Variants in ZC3H14 observed in about 807,000 individuals in gnomAD.
ZC3H14 encodes the protein zinc finger CCCH-type containing 14.
ZC3H14 carries 31 observed loss-of-function variants against 92.4 expected under a neutral mutation model. The ratio of observed to expected loss-of-function variants is 0.34; its 90% confidence interval spans 0.25 to 0.45. ZC3H14 has a LOEUF of 0.45. Among genes scored for constraint, ZC3H14 ranks in the 20% least tolerant of loss-of-function variants. The pLI is 1.00. For synonymous variants in ZC3H14, 321 were observed against 300.9 expected (o/e 1.07, Z -0.69); for missense variants, 781 against 897.3 (o/e 0.87, Z 1.66).
At chr14:88,583,472 GTCT>G (rs1383574560) in intron 9 of ZC3H14, among the ~76,000 whole-genome samples, 8 of 152,104 alleles carry the variant, frequency 5.3e-5, no homozygotes, top group East Asian at 1.9e-4. Context: ...ACCTCAGGCT[GTCT>G]TCTTCTCAAA....
At position 88,617,101 on chromosome 14, in the gene ZC3H14, T is replaced by G. The variant is rs770358282; in HGVS notation, c.*5350T>G. The G allele has an allele frequency of 9.9e-6, 4 of 405,032 alleles. No homozygotes were observed. Among genetic ancestry groups the G allele is most frequent in the Non-Finnish European group, 1.8e-5 (4 of 226,478 alleles). The allele number at this position is 405,032 out of a possible 1,614,324, so 25.1% of individuals were successfully genotyped here. A position where few individuals can be genotyped will look rare whatever the true frequency, so the allele number is the denominator to read the frequency against. On this transcript the variant is annotated 3_prime_UTR_variant, in exon 17 of 17. Coordinates refer to ENST00000251038, the MANE Select transcript of ZC3H14 (RefSeq NM_024824.5). Reference sequence around the variant, plus strand: ...AATTTGAAGGGTTTCTAGATTAATCTTTTTAAGATTAAAGTAGTACTTTAT... The same window carrying G: ...AATTTGAAGGGTTTCTAGATTAATCGTTTTAAGATTAAAGTAGTACTTTAT...
chr14:88,610,826 C>A lies in ZC3H14; in HGVS notation c.2098-8C>A. 6.2e-7 allele frequency: 1 copy of A among 1,611,554 alleles called. No homozygotes were observed. The highest frequency in any genetic ancestry group is 8.5e-7 in the Non-Finnish European group (1 of 1,177,708). On this transcript the variant is annotated splice_region_variant and splice_polypyrimidine_tract_variant and intron_variant, in intron 15 of 16. Coordinates refer to ENST00000251038, the MANE Select transcript of ZC3H14 (RefSeq NM_024824.5). ...GGATATTGTTGAAGCTCTGTTATCT[C>A]TATTCAGCATTGTAGGTTTAACACT...
rs537686210 is a variant in ZC3H14, at chr14:88,584,567, C to T, written c.1279+6427C>T. Among the ~76,000 whole-genome samples the T allele has an allele frequency of 7.2e-5, 11 of 152,318 alleles. No homozygotes were observed. In the South Asian group the frequency reaches 1.9e-3, roughly 26 times the overall value. The stretch of plus-strand genomic sequence containing the variant: ...TACATAAGATTTACTATAGTACATA[C>T]TGTACTACTGTAATAATTTTGTAGT... On this transcript the variant is annotated intron_variant, in intron 9 of 16. Transcript: ENST00000251038.
chr14:88,588,621 T>G (rs2082733313), intron 9 of ZC3H14, among the ~76,000 whole-genome samples: 1 of 152,194 alleles, frequency 6.6e-6, no homozygotes, highest in African/African-American at 2.4e-5. Flanking sequence ...TAGATGCTAG[T>G]TAGGTACATT....
At chr14:88,566,237 G>C (rs1240002757) in intron 2 of ZC3H14, among the ~76,000 whole-genome samples, 1 of 151,522 alleles carries the variant, frequency 6.6e-6, no homozygotes, top group Admixed American at 6.6e-5. Flanking sequence ...TTGGATTTGT[G>C]ATTAACATGT....
chr14:88,611,371 A>C (rs1318462489), intron 16 of ZC3H14, among the ~76,000 whole-genome samples: 1 of 152,180 alleles, frequency 6.6e-6, no homozygotes, highest in Non-Finnish European at 1.5e-5. Flanking sequence ...CCAGGATTAC[A>C]GGCATGAGCC....
intron 9 of ZC3H14, among the ~76,000 whole-genome samples, chr14:88,584,869 G>T (rs777314476): frequency 1.3e-5 from 2 of 151,942 alleles, no homozygotes; most frequent in African/African-American, 2.4e-5. Flanking sequence ...TGCTCAGTAT[G>T]TACCAAAGAT....
intron 9 of ZC3H14, chr14:88,594,806 C>A (rs1265098861): frequency 6.2e-7 from 1 of 1,614,094 alleles, no homozygotes; most frequent in East Asian, 2.2e-5. Context: ...GGTTCCATAA[C>A]AAGCTCCTCT....
chr14:88,594,905 T>C (rs1185543762), intron 9 of ZC3H14: 1 of 1,614,040 alleles, frequency 6.2e-7, no homozygotes, highest in South Asian at 1.1e-5. Context: ...AAAGCAGCTA[T>C]TTTGACAGTG....
intron 1 of ZC3H14, 34 bp downstream of exon 1, chr14:88,563,203 G>A (rs1356081847): frequency 2.5e-6 from 4 of 1,596,144 alleles, no homozygotes; most frequent in Non-Finnish European, 3.4e-6. Context: ...TGGGAAGCCA[G>A]GTCTCGGCGA....
intron 9 of ZC3H14, among the ~76,000 whole-genome samples, chr14:88,580,190 G>T (rs2081718494): frequency 6.6e-6 from 1 of 151,644 alleles, no homozygotes; most frequent in African/African-American, 2.4e-5. Flanking sequence ...TCATACCATT[G>T]CCCTCCAGGG....
chr14:88,601,826 TGAATA>T (rs1158323240), intron 10 of ZC3H14, 93 bp from the exon 11 acceptor site: 1 of 1,395,638 alleles, frequency 7.2e-7, no homozygotes, highest in Non-Finnish European at 9.9e-7. Flanking sequence ...TGAAATAATT[TGAATA>T]TATAAAAGAT....
rs908344043 is a variant in ZC3H14, at chr14:88,616,418, TG to T, written c.*4670del. ...AGTGGATCTGCAAAACCAGGCTGTG[TG>T]GGCAGTCAGATGTCTCCAGGTACTC... is the stretch of plus-strand genomic sequence containing the variant. On this transcript the variant is annotated 3_prime_UTR_variant, in exon 17 of 17. Transcript: ENST00000251038. 6.0e-6 allele frequency: 4 copies of T among 663,286 alleles called. No homozygotes were observed. The Admixed American group carries it at 1.1e-4, about 19-fold the overall frequency. 41.1% of individuals were successfully genotyped at this position (663,286 alleles called of 1,614,324 possible).
Position 88,618,867 on chromosome 14 carries a change from T to C in ZC3H14, c.*7116T>C, listed in dbSNP as rs2088269489. ...AGACCACATGAAGTATTATAAATAC[T>C]TAAGATCAGTGACTTTTCCTTTCTA... On this transcript the variant is annotated 3_prime_UTR_variant, in exon 17 of 17. Coordinates refer to ENST00000251038, the MANE Select transcript of ZC3H14 (RefSeq NM_024824.5). The C allele has an allele frequency of 6.8e-7, 1 of 1,479,472 alleles. No individual in the cohort carries two copies. Among genetic ancestry groups the C allele is most frequent in the African/African-American group, 1.4e-5 (1 of 70,636 alleles). The allele number at this position is 1,479,472 out of a possible 1,614,324, so 91.6% of individuals were successfully genotyped here. A position where few individuals can be genotyped will look rare whatever the true frequency, so the allele number is the denominator to read the frequency against.
At position 88,622,698 on chromosome 14, in the gene ZC3H14, AC is replaced by A; in HGVS notation, c.*10949del. On this transcript the variant is annotated 3_prime_UTR_variant, in exon 17 of 17. Coordinates refer to ENST00000251038, the MANE Select transcript of ZC3H14 (RefSeq NM_024824.5). ...CCTCAGTTCCTGATCCCACAGTTTA[AC>A]CGCTCCTCCTTCTTTTGACCTAAGT... 6.2e-6 allele frequency: 10 copies of A among 1,608,046 alleles called. No individual in the cohort carries two copies. The highest frequency in any genetic ancestry group is 8.5e-6 in the Non-Finnish European group (10 of 1,177,078).
At chr14:88,588,760 CCTTA>C (rs1335589870) in intron 9 of ZC3H14, among the ~76,000 whole-genome samples, 1 of 151,968 alleles carries the variant, frequency 6.6e-6, no homozygotes, top group African/African-American at 2.4e-5. Context: ...GATGATAAGC[CCTTA>C]CTTTAATCTG....
chr14:88,571,745 G>A (rs114344642), intron 4 of ZC3H14, among the ~76,000 whole-genome samples: 1,938 of 152,128 alleles, frequency 0.013, 39 homozygotes, highest in African/African-American at 0.043. Context: ...GCGGATCATG[G>A]GCTCAGGAGA....
Position 88,620,665 on chromosome 14 carries a change from C to T in ZC3H14, c.*8914C>T. The T allele has an allele frequency of 5.2e-6, 6 of 1,158,308 alleles. No homozygotes were observed. The highest frequency in any genetic ancestry group is 5.8e-6 in the Non-Finnish European group (5 of 868,196). The allele number at this position is 1,158,308 out of a possible 1,614,324, so 71.8% of individuals were successfully genotyped here. A position where few individuals can be genotyped will look rare whatever the true frequency, so the allele number is the denominator to read the frequency against. On this transcript the variant is annotated 3_prime_UTR_variant, in exon 17 of 17. Coordinates refer to ENST00000251038, the MANE Select transcript of ZC3H14 (RefSeq NM_024824.5). This position sits in a 1 kb window ranked among gnomAD's most constrained non-coding sequence, Gnocchi z 4.3. ...GGGAAATGCTACAGGCCCTGGGGAC[C>T]TCTTTTTGAAGGCAAGGCTATGGAA...
chr14:88,569,188 C>T (rs79704762), intron 3 of ZC3H14, among the ~76,000 whole-genome samples: 1,827 of 152,222 alleles, frequency 0.012, 20 homozygotes, highest in Middle Eastern at 0.034. Context: ...CTTATAGTTC[C>T]TTTTCCCCCA....
Sources: gnomAD v4.1 joint callset for allele counts (sites outside exome capture counted in the v4.1 genomes callset) on GRCh38, gnomAD v4.1.1 for gene constraint, Gnocchi (gnomAD v3.1) non-coding constraint, MANE v1.5 for transcripts, NCBI Gene and HGNC (gene_info 2026-07-23, HGNC 2026-07-21) for gene names.